The following KCNQ1 variants were observed in gnomAD, a reference collection of about 807,000 sequenced individuals.
KCNQ1 encodes potassium voltage-gated channel subfamily Q member 1, also known as potassium voltage-gated channel subfamily KQT member 1.
In KCNQ1, 49 loss-of-function variants were observed where a neutral mutation model predicts 72.4. That is an observed-to-expected ratio of 0.68 (90% CI 0.54 to 0.86). The LOEUF is 0.86. KCNQ1 is among the 40% of genes least tolerant of loss of function. KCNQ1 has a pLI of 0.00. For missense variants in KCNQ1, 790 were observed against 945.1 expected (o/e 0.84, Z 2.15); for synonymous variants, 450 against 412.6 (o/e 1.09, Z -1.10).
chr11:2,595,918 A>G lies in KCNQ1; in HGVS notation c.1393+7064A>G, dbSNP rs1289186303. ...ATGAAATTAAGAACATTAGTGATTC[A>G]TGGAAGAACGTCAAAATATCAGCAT... On this transcript the variant is annotated intron_variant, in intron 10 of 15. Coordinates refer to ENST00000155840, the MANE Select transcript of KCNQ1 (RefSeq NM_000218.3). The surrounding 1 kb of genome is among the most constrained non-coding windows in gnomAD (Gnocchi z 5.0). Among the ~76,000 whole-genome samples, 1 of 152,244 alleles carries G rather than the reference A, an allele frequency of 6.6e-6. No homozygotes were observed. Among genetic ancestry groups the G allele is most frequent in the African/African-American group, 2.4e-5 (1 of 41,466 alleles).
intron 2 of KCNQ1, among the ~76,000 whole-genome samples, chr11:2,561,352 C>T (rs1456038384): frequency 6.6e-6 from 1 of 152,206 alleles, no homozygotes; most frequent in African/African-American, 2.4e-5. Context: ...CAGCGGGGCT[C>T]TTCTGTGCTG....
chr11:2,585,335 T>C, intron 8 of KCNQ1, 28 bp downstream of exon 8: 1 of 1,595,398 alleles, frequency 6.3e-7, no homozygotes, highest in Non-Finnish European at 8.6e-7. Context: ...CCCTGGTCAC[T>C]GTCATTTTGG....
intron 11 of KCNQ1, among the ~76,000 whole-genome samples, chr11:2,741,741 G>A (rs907904341): frequency 6.6e-6 from 1 of 152,250 alleles, no homozygotes; most frequent in African/African-American, 2.4e-5. Context: ...AGCACAGCCG[G>A]CCTCCTTGCA....
At chr11:2,672,624 G>T (rs1467777597) in intron 11 of KCNQ1, 5 of 398,604 alleles carry the variant, frequency 1.3e-5, no homozygotes, top group Admixed American at 4.4e-5. Context: ...GTGATGGAAG[G>T]ACTCTGGGTA....
At chr11:2,469,776 C>T (rs1343382704) in intron 1 of KCNQ1, among the ~76,000 whole-genome samples, 1 of 151,700 alleles carries the variant, frequency 6.6e-6, no homozygotes, top group Non-Finnish European at 1.5e-5. Flanking sequence ...CGGGTTCATG[C>T]CATTCTCCTG....
At chr11:2,847,078 T>C (rs1484280753) in intron 15 of KCNQ1, among the ~76,000 whole-genome samples, 3 of 152,132 alleles carry the variant, frequency 2.0e-5, no homozygotes, top group Non-Finnish European at 4.4e-5. Flanking sequence ...GGCATAATGG[T>C]TCCTGGGGGA....
At chr11:2,794,020 C>T (rs898335708) in intron 15 of KCNQ1, among the ~76,000 whole-genome samples, 6 of 152,038 alleles carry the variant, frequency 3.9e-5, no homozygotes, top group African/African-American at 1.2e-4. Flanking sequence ...CCCTAGGGCA[C>T]GAGGGCACAT....
chr11:2,719,692 G>A lies in KCNQ1; in HGVS notation c.1515-49152G>A, dbSNP rs536134811. Reference sequence around the variant, plus strand: ...TAGCAAAGGAAACCAGGGCAGGACAGTGTAGGAAGTCCTGCCCTCGGATCA... The same window carrying A: ...TAGCAAAGGAAACCAGGGCAGGACAATGTAGGAAGTCCTGCCCTCGGATCA... On this transcript the variant is annotated intron_variant, in intron 11 of 15. Coordinates refer to ENST00000155840, the MANE Select transcript of KCNQ1 (RefSeq NM_000218.3). Among the ~76,000 whole-genome samples, 26 of 152,312 alleles carry A rather than the reference G, an allele frequency of 1.7e-4. 1 individual carries two copies. Among genetic ancestry groups the A allele is most frequent in the South Asian group, 1.7e-3 (8 of 4,824 alleles).
At chr11:2,820,564 C>CTGTT (rs3079085) in intron 15 of KCNQ1, among the ~76,000 whole-genome samples, 16,355 of 151,796 alleles carry the variant, frequency 0.11, 1,358 homozygotes, top group East Asian at 0.37. Context: ...ACTTACCTTG[C>CTGTT]TGTTTGTTTG....
intron 15 of KCNQ1, among the ~76,000 whole-genome samples, chr11:2,802,567 G>A (rs1847288635): frequency 6.6e-6 from 1 of 152,206 alleles, no homozygotes; most frequent in South Asian, 2.1e-4. Context: ...CAGCCACCCT[G>A]CCTCTCAGGA....
intron 11 of KCNQ1, among the ~76,000 whole-genome samples, chr11:2,702,981 A>G (rs933112180): frequency 6.6e-6 from 1 of 152,114 alleles, no homozygotes; most frequent in Non-Finnish European, 1.5e-5. Context: ...CTTTGGGGGA[A>G]GAGTGGAGAG....
Position 2,713,016 on chromosome 11 carries a change from A to C in KCNQ1, c.1514+50935A>C, listed in dbSNP as rs561528718. ...ACCAGAGACCTGGTAAGTATGAGGA[A>C]CCACCCCTTGGCATGGGGCACCCAG... On this transcript the variant is annotated intron_variant, in intron 11 of 15. Transcript: ENST00000155840. This position sits in a 1 kb window ranked among gnomAD's most constrained non-coding sequence, Gnocchi z 5.6. Among the ~76,000 whole-genome samples, 12 of 152,286 alleles carry C rather than the reference A, an allele frequency of 7.9e-5. No individual in the cohort carries two copies. Among genetic ancestry groups the C allele is most frequent in the African/African-American group, 2.9e-4 (12 of 41,548 alleles).
Position 2,706,278 on chromosome 11 carries a change from T to C in KCNQ1, c.1514+44197T>C, listed in dbSNP as rs369904220. Reference sequence around the variant, plus strand: ...CAGCCTCCCTGCCCTCTCACTGGGATCACTGATTTTGGGGGAAGCCAGCCA... The same window carrying C: ...CAGCCTCCCTGCCCTCTCACTGGGACCACTGATTTTGGGGGAAGCCAGCCA... On this transcript the variant is annotated intron_variant, in intron 11 of 15. Coordinates refer to ENST00000155840, the MANE Select transcript of KCNQ1 (RefSeq NM_000218.3). Among the ~76,000 whole-genome samples, 3 of 152,330 alleles carry C rather than the reference T, an allele frequency of 2.0e-5. No homozygotes were observed. In the South Asian group the frequency reaches 6.2e-4, roughly 32 times the overall value.
At chr11:2,555,729 C>T (rs908250783) in intron 2 of KCNQ1, among the ~76,000 whole-genome samples, 1 of 152,258 alleles carries the variant, frequency 6.6e-6, no homozygotes, top group African/African-American at 2.4e-5. Context: ...CCCACATTTT[C>T]CTGCCCCTGG....
At chr11:2,702,396 A>G (rs932671687) in intron 11 of KCNQ1, among the ~76,000 whole-genome samples, 46 of 152,340 alleles carry the variant, frequency 3.0e-4, no homozygotes, top group African/African-American at 1.1e-3. Flanking sequence ...TGTCGAACAC[A>G]GGCTGAAAAG....
chr11:2,514,972 C>G (rs964051866), intron 1 of KCNQ1, among the ~76,000 whole-genome samples: 4 of 152,196 alleles, frequency 2.6e-5, no homozygotes, highest in Admixed American at 6.5e-5. Context: ...CACCTCGCCC[C>G]CTTCCCGAGT....
intron 11 of KCNQ1, chr11:2,692,927 C>T (rs534323912): frequency 2.3e-5 from 9 of 398,666 alleles, no homozygotes; most frequent in African/African-American, 1.4e-4. Flanking sequence ...GCCTATGTCC[C>T]AAGCAGGTTG....
chr11:2,468,066 C>T lies in KCNQ1; in HGVS notation c.386+22582C>T, dbSNP rs1166705132. ...CAGCTTCTTAAAGGGCTGTTAGCCA[C>T]GTGCTTAGACTGTGCCCGGAAAATG... On this transcript the variant is annotated intron_variant, in intron 1 of 15. Transcript: ENST00000155840. The surrounding 1 kb of genome is among the most constrained non-coding windows in gnomAD (Gnocchi z 5.7). 3.9e-5 allele frequency among the ~76,000 whole-genome samples: 6 copies of T among 152,270 alleles called. No individual in the cohort carries two copies. The highest frequency in any genetic ancestry group is 9.6e-5 in the African/African-American group (4 of 41,476).
At position 2,527,736 on chromosome 11, in the gene KCNQ1, G is replaced by A. The variant is rs1253618578; in HGVS notation, c.387-192G>A. Among the ~76,000 whole-genome samples the A allele has an allele frequency of 2.6e-5, 4 of 152,236 alleles. No homozygotes were observed. In the East Asian group the frequency reaches 5.8e-4, roughly 22 times the overall value. ...ATGTGTTGGTGCTTCGTCCCTTCCCGTGGCGGGACGGCATCCCTCGTGCGG... is the reference window on the plus strand; with the variant it reads ...ATGTGTTGGTGCTTCGTCCCTTCCCATGGCGGGACGGCATCCCTCGTGCGG... On this transcript the variant is annotated intron_variant, in intron 1 of 15. Transcript: ENST00000155840.
Sources: allele counts gnomAD v4.1 joint callset (sites outside exome capture counted in the v4.1 genomes callset), GRCh38; gene constraint gnomAD v4.1.1; non-coding constraint Gnocchi (gnomAD v3.1); transcripts MANE v1.5; gene names NCBI Gene and HGNC (gene_info 2026-07-23, HGNC 2026-07-21).